PIP5K1C: variants seen among roughly 807,000 people sequenced by gnomAD.
PIP5K1C encodes the protein phosphatidylinositol-4-phosphate 5-kinase type 1 gamma.
Under a neutral mutation model 80.1 loss-of-function variants are expected in PIP5K1C, and 45 were observed. The ratio of observed to expected loss-of-function variants is 0.56; its 90% CI spans 0.44 to 0.72. The LOEUF (loss-of-function observed/expected upper bound fraction) is 0.72. Ranked by LOEUF, PIP5K1C falls within the 30% of genes least tolerant of loss-of-function variation. The pLI, the probability that PIP5K1C is intolerant of heterozygous loss-of-function variation, is 0.00. For missense variants in PIP5K1C, 753 were observed against 954.6 expected, an observed-to-expected ratio of 0.79 and a Z score of 2.78; for synonymous variants, 498 against 420.1, an observed-to-expected ratio of 1.19 and a Z score of -2.27.
rs990923324 is a variant in PIP5K1C, at chr19:3,692,962, G to A, written c.94+7335C>T. On this transcript the variant is annotated intron_variant, in intron 1 of 17. Coordinates refer to ENST00000335312, the MANE Select transcript of PIP5K1C (RefSeq NM_012398.3). This position sits in a 1 kb window ranked among gnomAD's most constrained non-coding sequence, Gnocchi z 5.2. Reference sequence around the variant, plus strand: ...ACTTCCCCTGGATCTCTGTTCAAGTGTGGCCCCCGAGTCCCCAGCCTTGAG... The same window carrying A: ...ACTTCCCCTGGATCTCTGTTCAAGTATGGCCCCCGAGTCCCCAGCCTTGAG... 1.3e-5 allele frequency among the ~76,000 whole-genome samples: 2 copies of A among 151,892 alleles called. No homozygotes were observed. Among genetic ancestry groups the A allele is most frequent in the Admixed American group, 1.3e-4 (2 of 15,272 alleles).
In PIP5K1C at chr19:3,692,149, C is replaced by T. The variant is rs898027071; in HGVS notation, c.94+8148G>A. Among the ~76,000 whole-genome samples, 1 of 152,224 alleles carries T rather than the reference C, an allele frequency of 6.6e-6. No individual in the cohort carries two copies. Among genetic ancestry groups the T allele is most frequent in the African/African-American group, 2.4e-5 (1 of 41,444 alleles). ...TTTTGTGTGCATTGACTCATCTAAT[C>T]CTCAAGGGACATTGCTTTCCAAATG... is the stretch of plus-strand genomic sequence containing the variant. On this transcript the variant is annotated intron_variant, in intron 1 of 17. Transcript: ENST00000335312. This position sits in a 1 kb window ranked among gnomAD's most constrained non-coding sequence, Gnocchi z 5.2.
chr19:3,667,314 ACACT>A lies in PIP5K1C; in HGVS notation c.126+4_126+7del. ...ACCCCAGGCCCTTCGTCCGCTCCAG[ACACT>A]CACCTCTGTTGGGGCCGCCTTCTTC... On this transcript the variant is annotated splice_donor_5th_base_variant and intron_variant, in intron 2 of 17. Coordinates refer to ENST00000335312, the MANE Select transcript of PIP5K1C (RefSeq NM_012398.3). 6.2e-7 allele frequency: 1 copy of A among 1,612,584 alleles called. No individual in the cohort carries two copies. Among genetic ancestry groups the A allele is most frequent in the Non-Finnish European group, 8.5e-7 (1 of 1,179,696 alleles).
chr19:3,647,296 G>A (rs2034271669), intron 10 of PIP5K1C, 42 bp downstream of exon 10: 1 of 1,514,220 alleles, frequency 6.6e-7, no homozygotes, highest in Non-Finnish European at 9.0e-7. Flanking sequence ...ACAGGAGGAG[G>A]AGGGATGGGA....
chr19:3,661,322 G>A lies in PIP5K1C; in HGVS notation c.351-239C>T, dbSNP rs1336173258. 7.9e-5 allele frequency among the ~76,000 whole-genome samples: 12 copies of A among 151,750 alleles called. No individual in the cohort carries two copies. In the East Asian group the frequency reaches 9.7e-4, roughly 12 times the overall value. ...CACAGTGTTGGCCAGGCACATGGCC[G>A]CCAAGAACAGGACCATGCCGCCCCA... On this transcript the variant is annotated intron_variant, in intron 4 of 17. Coordinates refer to ENST00000335312, the MANE Select transcript of PIP5K1C (RefSeq NM_012398.3).
rs751200703 is a variant in PIP5K1C, at chr19:3,648,711, G to A, written c.1128-3C>T. Reference sequence around the variant, plus strand: ...TCACAGCGGGGATCCCGCCCATCCTGGGGAGAGAGGCCGAGGGTACCATCA... The same window carrying A: ...TCACAGCGGGGATCCCGCCCATCCTAGGGAGAGAGGCCGAGGGTACCATCA... On this transcript the variant is annotated splice_region_variant and splice_polypyrimidine_tract_variant and intron_variant, in intron 8 of 17. Transcript: ENST00000335312. This position sits in a 1 kb window ranked among gnomAD's most constrained non-coding sequence, Gnocchi z 4.3. 3.7e-6 allele frequency: 6 copies of A among 1,612,266 alleles called. No individual in the cohort carries two copies. The Admixed American group carries it at 6.7e-5, about 18-fold the overall frequency.
At chr19:3,641,532 G>C (rs1317272589) in intron 15 of PIP5K1C, among the ~76,000 whole-genome samples, 173 bp downstream of exon 15, 1 of 152,178 alleles carries the variant, frequency 6.6e-6, no homozygotes, top group East Asian at 1.9e-4. Context: ...GATCACCCCG[G>C]CTAGTCGAGA....
chr19:3,684,458 T>G (rs929144481), intron 1 of PIP5K1C, among the ~76,000 whole-genome samples: 42 of 152,196 alleles, frequency 2.8e-4, no homozygotes, highest in Non-Finnish European at 4.7e-4. Flanking sequence ...TGGGGGGAAT[T>G]CTTCCATCAG....
intron 1 of PIP5K1C, chr19:3,674,204 T>C (rs971823225): frequency 2.6e-5 from 4 of 152,202 alleles, no homozygotes; most frequent in African/African-American, 9.7e-5. Flanking sequence ...ACCACAGCCA[T>C]GGAACTAACC....
At chr19:3,659,514 C>A (rs755617967) in intron 5 of PIP5K1C, among the ~76,000 whole-genome samples, 3 of 152,240 alleles carry the variant, frequency 2.0e-5, no homozygotes, top group Non-Finnish European at 2.9e-5. Flanking sequence ...AGGCTGCTGC[C>A]TTCTGTTCCT....
chr19:3,700,006 G>C (rs573987499), intron 1 of PIP5K1C, among the ~76,000 whole-genome samples: 1 of 152,112 alleles, frequency 6.6e-6, no homozygotes. Context: ...CTCACACGAC[G>C]GGCAGCCCCT....
chr19:3,637,997 A>C lies in PIP5K1C; in HGVS notation c.1920+887T>G. On this transcript the variant is annotated intron_variant, in intron 16 of 17. Transcript: ENST00000335312. This position sits in a 1 kb window ranked among gnomAD's most constrained non-coding sequence, Gnocchi z 7.0. ...GGCCAGGTGGGTGCATGGGGACCCCAGAGGCGCCACTGGAGACAGAGCAGG... is the reference window on the plus strand; with the variant it reads ...GGCCAGGTGGGTGCATGGGGACCCCCGAGGCGCCACTGGAGACAGAGCAGG... 6.6e-7 allele frequency: 1 copy of C among 1,521,816 alleles called. No homozygotes were observed. The allele number at this position is 1,521,816 out of a possible 1,614,324, so 94.3% of individuals were successfully genotyped here. A position where few individuals can be genotyped will look rare whatever the true frequency, so the allele number is the denominator to read the frequency against.
Position 3,644,211 on chromosome 19 carries a change from G to A in PIP5K1C, c.1386C>T (p.Ala462=), listed in dbSNP as rs781098764. The change falls in exon 12 of 18, where the codon GCC becomes GCT. Residue 462 remains alanine (A), a synonymous_variant. Transcript: ENST00000335312. ...SSPSKKGRGG[A]LLAVKPLGPT... Reference sequence around the variant, plus strand: ...GCCCCAGCGGTTTCACAGCTAGCAAGGCTCCGCCGCGCCCCTTCTTGGAGG... The same window carrying A: ...GCCCCAGCGGTTTCACAGCTAGCAAAGCTCCGCCGCGCCCCTTCTTGGAGG... 1 of 1,612,556 alleles carries A rather than the reference G, an allele frequency of 6.2e-7. No individual in the cohort carries two copies. The highest frequency in any genetic ancestry group is 1.1e-5 in the South Asian group (1 of 91,082).
intron 1 of PIP5K1C, among the ~76,000 whole-genome samples, chr19:3,676,151 C>T (rs941292887): frequency 1.0e-4 from 15 of 144,544 alleles, no homozygotes; most frequent in African/African-American, 1.9e-4. Flanking sequence ...CCAGGCCTCC[C>T]GCGTGACCGT....
In PIP5K1C at chr19:3,644,257, G is replaced by A. The variant is rs781151895; in HGVS notation, c.1346-6C>T. On this transcript the variant is annotated splice_polypyrimidine_tract_variant and splice_region_variant and intron_variant, in intron 11 of 17. Transcript: ENST00000335312. ...GGAGGGCGAGGACTTCAGGGCTGCA[G>A]GGAAGGGTGGGGGTTGGTGCTTGGG... 12 of 1,611,252 alleles carry A rather than the reference G, an allele frequency of 7.4e-6. No homozygotes were observed. The highest frequency in any genetic ancestry group is 1.0e-5 in the Non-Finnish European group (12 of 1,179,360).
rs527302746 is a variant in PIP5K1C, at chr19:3,663,265, G to A, written c.220-1264C>T. Among the ~76,000 whole-genome samples the A allele has an allele frequency of 6.1e-4, 93 of 152,318 alleles. 1 individual carries two copies. The highest frequency in any genetic ancestry group is 4.4e-3 in the South Asian group (21 of 4,826). On this transcript the variant is annotated intron_variant, in intron 3 of 17. Coordinates refer to ENST00000335312, the MANE Select transcript of PIP5K1C (RefSeq NM_012398.3). ...CCCTGGGAAGCCGGCTCATACCTCC[G>A]CTCTCTAATTCCGGTCTCCAGTGCT...
At chr19:3,686,144 T>C (rs999427725) in intron 1 of PIP5K1C, among the ~76,000 whole-genome samples, 1 of 152,168 alleles carries the variant, frequency 6.6e-6, no homozygotes, top group Non-Finnish European at 1.5e-5. Flanking sequence ...TGAGCCACCG[T>C]ACTTAGACTA....
intron 2 of PIP5K1C, among the ~76,000 whole-genome samples, chr19:3,666,197 CCAGGTGGGA>C (rs572646569): frequency 2.2e-4 from 34 of 152,280 alleles, no homozygotes; most frequent in African/African-American, 7.2e-4. Context: ...CAAGGGTGGC[CCAGGTGGGA>C]CAGGTGCCTT....
intron 12 of PIP5K1C, among the ~76,000 whole-genome samples, 154 bp from the exon 13 acceptor site, chr19:3,643,535 G>T (rs1389065713): frequency 6.6e-6 from 1 of 151,892 alleles, no homozygotes; most frequent in Non-Finnish European, 1.5e-5. Context: ...AGGGAAGGAC[G>T]ACGTTCCCCC....
At position 3,648,590 on chromosome 19, in the gene PIP5K1C, C is replaced by A. The variant is rs769483294; in HGVS notation, c.1211+35G>T. 3 of 1,571,476 alleles carry A rather than the reference C, an allele frequency of 1.9e-6. No homozygotes were observed. Among genetic ancestry groups the A allele is most frequent in the South Asian group, 1.1e-5 (1 of 89,392 alleles). Reference sequence around the variant, plus strand: ...CACCTGTGGGACTGCAGACCCGGGGCGTCCACCTGTAGGACTGCAGACCCG... The same window carrying A: ...CACCTGTGGGACTGCAGACCCGGGGAGTCCACCTGTAGGACTGCAGACCCG... On this transcript the variant is annotated intron_variant, in intron 9 of 17. Transcript: ENST00000335312. This position sits in a 1 kb window ranked among gnomAD's most constrained non-coding sequence, Gnocchi z 4.3.
Sources: allele counts gnomAD v4.1 joint callset (sites outside exome capture counted in the v4.1 genomes callset), GRCh38; gene constraint gnomAD v4.1.1; non-coding constraint Gnocchi (gnomAD v3.1); transcripts MANE v1.5; gene names NCBI Gene and HGNC (gene_info 2026-07-23, HGNC 2026-07-21).